The following FRMD6 variants were observed in gnomAD, a reference collection of about 807,000 sequenced individuals.
FRMD6 encodes FERM domain-containing protein 6.
Under a neutral mutation model 73.2 loss-of-function variants are expected in FRMD6, and 37 were observed. That is an observed-to-expected ratio of 0.51 (90% CI 0.39 to 0.66). The LOEUF (loss-of-function observed/expected upper bound fraction) is 0.66. Among genes scored for constraint, FRMD6 ranks in the 30% least tolerant of loss-of-function variants. FRMD6 has a pLI of 0.00. For missense variants in FRMD6, 714 were observed against 780.5 expected (o/e 0.91, Z 1.02); for synonymous variants, 273 against 282.2 (o/e 0.97, Z 0.33).
intron 2 of FRMD6, among the ~76,000 whole-genome samples, chr14:51,589,004 C>T (rs902934867): frequency 3.9e-5 from 6 of 152,198 alleles, no homozygotes; most frequent in African/African-American, 1.4e-4. Flanking sequence ...ATATTAAACA[C>T]CCATGGGAAC....
At chr14:51,599,953 C>T (rs918561068) in intron 2 of FRMD6, 4 of 150,436 alleles carry the variant, frequency 2.7e-5, no homozygotes, top group Non-Finnish European at 1.5e-5. Flanking sequence ...GCCTCTATTT[C>T]AGCTCCCGAC....
intron 1 of FRMD6, among the ~76,000 whole-genome samples, chr14:51,551,787 A>G (rs1886855241): frequency 6.6e-6 from 1 of 151,822 alleles, no homozygotes; most frequent in African/African-American, 2.4e-5. Context: ...TACATTTTAT[A>G]CAAATATACA....
chr14:51,718,612 A>AT (rs1217640948), intron 10 of FRMD6, among the ~76,000 whole-genome samples: 5 of 152,094 alleles, frequency 3.3e-5, no homozygotes, highest in Non-Finnish European at 7.4e-5. Context: ...GAAGATGGGG[A>AT]TTGTTAGGCC....
At chr14:51,519,785 T>G (rs1280708732) in intron 1 of FRMD6, among the ~76,000 whole-genome samples, 2 of 152,182 alleles carry the variant, frequency 1.3e-5, no homozygotes, top group Non-Finnish European at 2.9e-5. Context: ...CAGAGACTCC[T>G]GGTAGCACAA....
intron 1 of FRMD6, among the ~76,000 whole-genome samples, chr14:51,659,559 A>C (rs767406935): frequency 6.6e-6 from 1 of 152,186 alleles, no homozygotes; most frequent in South Asian, 2.1e-4. Context: ...TGATCGAGTT[A>C]TTTTTCTTAA....
chr14:51,418,695 C>G, the FRMD6 span, among the ~76,000 whole-genome samples: 1 of 152,216 alleles, frequency 6.6e-6, no homozygotes. Context: ...CTGGGAGAAC[C>G]ACTGCTCTCT....
chr14:51,673,145 T>C (rs1040742235), intron 1 of FRMD6, among the ~76,000 whole-genome samples: 4 of 152,170 alleles, frequency 2.6e-5, no homozygotes, highest in African/African-American at 9.7e-5. Flanking sequence ...TCTGATGCCA[T>C]AAATATTATA....
chr14:51,608,703 G>A (rs921222972), intron 2 of FRMD6, among the ~76,000 whole-genome samples: 4 of 152,046 alleles, frequency 2.6e-5, no homozygotes, highest in Admixed American at 2.0e-4. Context: ...CCTCAGCAAA[G>A]CTTCCCCTCA....
chr14:51,412,195 T>C, the FRMD6 span, among the ~76,000 whole-genome samples: 7 of 152,348 alleles, frequency 4.6e-5, no homozygotes, highest in African/African-American at 1.7e-4. Context: ...TTTTTAAATA[T>C]ATATTTTTGA....
chr14:51,504,626 T>G (rs1172271216), intron 1 of FRMD6, among the ~76,000 whole-genome samples: 1 of 152,192 alleles, frequency 6.6e-6, no homozygotes, highest in African/African-American at 2.4e-5. Flanking sequence ...TCACCGGACC[T>G]CTTCAGATCC....
Position 51,583,032 on chromosome 14 carries a change from C to T in FRMD6, c.-147+12622C>T, listed in dbSNP as rs535492400. 2.3e-4 allele frequency among the ~76,000 whole-genome samples: 35 copies of T among 152,226 alleles called. No homozygotes were observed. The South Asian group carries it at 6.4e-3, about 28-fold the overall frequency. On this transcript the variant is annotated intron_variant, in intron 2 of 14. Coordinates refer to the FRMD6 transcript ENST00000356218. Reference sequence around the variant, plus strand: ...GCCTCAACATGGTGGCACTCATATGCGTTTTCAAAAGATTTTCATTTTATT... The same window carrying T: ...GCCTCAACATGGTGGCACTCATATGTGTTTTCAAAAGATTTTCATTTTATT...
At chr14:51,472,845 T>TA in the FRMD6 span, among the ~76,000 whole-genome samples, 1 of 152,206 alleles carries the variant, frequency 6.6e-6, no homozygotes, top group Non-Finnish European at 1.5e-5. Flanking sequence ...TTAGCCACCT[T>TA]ACCAAGTTAA....
the FRMD6 span, among the ~76,000 whole-genome samples, chr14:51,420,010 A>C: frequency 3.2e-5 from 4 of 126,240 alleles, no homozygotes; most frequent in Non-Finnish European, 7.7e-5. Context: ...CGTTAGGTGT[A>C]GTCATGTGAC....
chr14:51,622,525 G>C (rs140626024), intron 2 of FRMD6, among the ~76,000 whole-genome samples: 1,547 of 152,172 alleles, frequency 0.01, 21 homozygotes, highest in Middle Eastern at 0.017. Flanking sequence ...AGAAGAAAAA[G>C]GTTCATTGTA....
At chr14:51,415,444 A>T in the FRMD6 span, among the ~76,000 whole-genome samples, 1 of 152,196 alleles carries the variant, frequency 6.6e-6, no homozygotes, top group East Asian at 1.9e-4. Flanking sequence ...TGTTTATATG[A>T]TGGATTATGT....
chr14:51,486,686 C>G (rs1882767238), upstream of FRMD6, among the ~76,000 whole-genome samples: 1 of 152,184 alleles, frequency 6.6e-6, no homozygotes, highest in Non-Finnish European at 1.5e-5. Flanking sequence ...GACTCAATCA[C>G]AAGATGCCTA....
At chr14:51,517,830 T>C (rs1382741157) in intron 1 of FRMD6, among the ~76,000 whole-genome samples, 1 of 151,914 alleles carries the variant, frequency 6.6e-6, no homozygotes, top group Non-Finnish European at 1.5e-5. Context: ...CCTGATGTGC[T>C]AACTCACAGA....
the FRMD6 span, among the ~76,000 whole-genome samples, chr14:51,450,566 G>A: frequency 6.6e-6 from 1 of 152,132 alleles, no homozygotes; most frequent in Non-Finnish European, 1.5e-5. Flanking sequence ...GGGCTAAGAT[G>A]GTAACAGGTG....
the FRMD6 span, among the ~76,000 whole-genome samples, chr14:51,397,601 AC>A: frequency 6.6e-6 from 1 of 152,170 alleles, no homozygotes; most frequent in African/African-American, 2.4e-5. Context: ...TGTACTTTGT[AC>A]CTGCTTTGTT....
Sources: gnomAD v4.1 joint callset for allele counts (sites outside exome capture counted in the v4.1 genomes callset) on GRCh38, gnomAD v4.1.1 for gene constraint, MANE v1.5 for transcripts, NCBI Gene and HGNC (gene_info 2026-07-23, HGNC 2026-07-21) for gene names.